Variants in NOTCH3 observed in about 807,000 individuals in gnomAD.
NOTCH3 encodes neurogenic locus notch homolog protein 3.
NOTCH3 carries 86 observed loss-of-function variants against 213.3 expected under a neutral mutation model. The observed-to-expected ratio is 0.40, with a 90% CI of 0.34 to 0.48. NOTCH3 has a LOEUF of 0.48. Among genes scored for constraint, NOTCH3 ranks in the 20% least tolerant of loss-of-function variants. NOTCH3 has a pLI of 0.57. For synonymous variants in NOTCH3, 1,354 were observed against 1,355.9 expected (o/e 1.00, Z 0.03); for missense variants, 2,783 against 3,272.6 (o/e 0.85, Z 3.65).
rs187061065 is a variant in NOTCH3, at chr19:15,186,800, C to T, written c.1951+78G>A. 3,217 of 1,157,736 alleles carry T rather than the reference C, an allele frequency of 2.8e-3. 9 individuals are homozygous for T. Among genetic ancestry groups the T allele is most frequent in the Non-Finnish European group, 3.7e-3 (2,807 of 767,038 alleles). 71.7% of individuals were successfully genotyped at this position (1,157,736 alleles called of 1,614,324 possible). On this transcript the variant is annotated intron_variant, in intron 12 of 32. Transcript: ENST00000263388. ...CGTTGGACAAGAGTCTGCAAAGATA[C>T]GGGCAAAACAGGCCCACAGAGACGA... is the stretch of plus-strand genomic sequence containing the variant.
At chr19:15,171,616 G>A (rs1487150198) in intron 25 of NOTCH3, among the ~76,000 whole-genome samples, 3 of 151,620 alleles carry the variant, frequency 2.0e-5, no homozygotes, top group Non-Finnish European at 4.4e-5. Context: ...TCCCACCTCA[G>A]CCTCCCAATG....
At position 15,180,772 on chromosome 19, in the gene NOTCH3, C is replaced by A. The variant is rs1243026017; in HGVS notation, c.3051G>T (p.Gln1017His). Residue 1017 changes from glutamine (Q) to histidine (H), a missense_variant, in exon 19 of 33, where the codon CAG becomes CAT. Physicochemically the swap from Gln to His is conservative, Grantham distance 24. This residue lies in a region of NOTCH3 where 861 missense variants were observed against 909.1 expected (regional missense o/e 0.95). Coordinates refer to ENST00000263388, the MANE Select transcript of NOTCH3 (RefSeq NM_000435.3). Reference protein sequence around the residue: ...QPCQNGGRCVQTGAYCLCPPG... With the variant: ...QPCQNGGRCVHTGAYCLCPPG... ...GGGGACAAAGGCAATAGGCCCCAGT[C>A]TGGACGCAGCGACCCCCGTTTTGAC... is the stretch of plus-strand genomic sequence containing the variant. The A allele has an allele frequency of 6.2e-7, 1 of 1,605,486 alleles. No individual in the cohort carries two copies. Among genetic ancestry groups the A allele is most frequent in the African/African-American group, 1.3e-5 (1 of 74,834 alleles).
chr19:15,161,701 A>G lies in NOTCH3; in HGVS notation c.5927T>C (p.Leu1976Pro). ...DMQDSKEETP[L>P]FLAAREGSYE... ...GCTGCCCTCGCGGGCGGCCAGGAATAGGGGGGTCTCCTCCTGGGGGGCCAG... is the reference window on the plus strand; with the variant it reads ...GCTGCCCTCGCGGGCGGCCAGGAATGGGGGGGTCTCCTCCTGGGGGGCCAG... The change falls in exon 33 of 33, where the codon CTA (leucine) becomes CCA (proline). Residue 1976 changes from leucine (L) to proline (P), a missense_variant. Coordinates refer to ENST00000263388, the MANE Select transcript of NOTCH3 (RefSeq NM_000435.3). The G allele has an allele frequency of 6.2e-7, 1 of 1,613,602 alleles. No individual in the cohort carries two copies. The highest frequency in any genetic ancestry group is 8.5e-7 in the Non-Finnish European group (1 of 1,179,822).
At position 15,185,449 on chromosome 19, in the gene NOTCH3, G is replaced by C. The variant is rs2145429845; in HGVS notation, c.2144+38C>G. 1 of 1,612,104 alleles carries C rather than the reference G, an allele frequency of 6.2e-7. No individual in the cohort carries two copies. Among genetic ancestry groups the C allele is most frequent in the Non-Finnish European group, 8.5e-7 (1 of 1,178,994 alleles). On this transcript the variant is annotated intron_variant, in intron 13 of 32. Transcript: ENST00000263388. The surrounding 1 kb of genome is among the most constrained non-coding windows in gnomAD (Gnocchi z 4.2). Reference sequence around the variant, plus strand: ...AGTCAGGCCAGGGAGGTGGGCCAGGGAGAGGGGGCAGTGTCTGAGGCTGAG... The same window carrying C: ...AGTCAGGCCAGGGAGGTGGGCCAGGCAGAGGGGGCAGTGTCTGAGGCTGAG...
intron 28 of NOTCH3, 147 bp from the exon 29 acceptor site, chr19:15,167,558 T>TCTTA: frequency 1.8e-6 from 1 of 544,898 alleles, no homozygotes; most frequent in Non-Finnish European, 3.0e-6. Context: ...CTGTTTGGTG[T>TCTTA]TTTATTTGTT....
intron 16 of NOTCH3, among the ~76,000 whole-genome samples, chr19:15,183,656 C>A (rs1241898424): frequency 6.6e-6 from 1 of 152,168 alleles, no homozygotes; most frequent in Non-Finnish European, 1.5e-5. Flanking sequence ...ACCTTGGCCT[C>A]CCAAAGTGCT....
chr19:15,179,262 C>A lies in NOTCH3; in HGVS notation c.3481G>T (p.Glu1161Ter). The A allele has an allele frequency of 6.2e-7, 1 of 1,613,940 alleles. No individual in the cohort carries two copies. ...GGTGGGCCTGGGCCGCAGTCATCCT[C>A]ATTAATCTCGCAGAGCACCCCTGGG... ...GTLGVLCEINEDDCGPGPPLD... is the reference protein window; with the variant it reads ...GTLGVLCEIN The change falls in exon 22 of 33, where the codon GAG becomes TAG. Residue 1161 changes from glutamate (E) to a stop codon, truncating the protein, a stop_gained. Coordinates refer to ENST00000263388, the MANE Select transcript of NOTCH3 (RefSeq NM_000435.3). LOFTEE classifies it high-confidence loss of function.
rs1284958492 is a variant in NOTCH3, at chr19:15,189,007, T to C, written c.1360A>G (p.Thr454Ala). 1 of 1,611,072 alleles carries C rather than the reference T, an allele frequency of 6.2e-7. No homozygotes were observed. The change falls in exon 8 of 33, where the codon ACC (threonine) becomes GCC (alanine). Residue 454 changes from threonine (T) to alanine (A), a missense_variant. Coordinates refer to ENST00000263388, the MANE Select transcript of NOTCH3 (RefSeq NM_000435.3). ...ATCLDRIGQF[T>A]CICMAGFTGT... The stretch of plus-strand genomic sequence containing the variant: ...CACCCACCTGCCATACAGATACAGG[T>C]GAACTGGCCTATGCGGTCGAGGCAC...
chr19:15,160,640 G>A lies in NOTCH3; in HGVS notation c.*22C>T. 1 of 1,594,682 alleles carries A rather than the reference G, an allele frequency of 6.3e-7. No individual in the cohort carries two copies. The highest frequency in any genetic ancestry group is 8.6e-7 in the Non-Finnish European group (1 of 1,162,234). ...GACGGGGGTCTCTTTAGGCCCCCAA[G>A]ATCTAAGAACTGACGAGCGTCTCAG... On this transcript the variant is annotated 3_prime_UTR_variant, in exon 33 of 33. Transcript: ENST00000263388.
At chr19:15,188,924 A>T in intron 8 of NOTCH3, 65 bp downstream of exon 8, 4 of 1,510,670 alleles carry the variant, frequency 2.6e-6, no homozygotes, top group Non-Finnish European at 3.6e-6. Context: ...TCAGCTCCCC[A>T]TCCGCGGGCT....
In NOTCH3 at chr19:15,174,241, T is replaced by A. The variant is rs1044006; in HGVS notation, c.4563A>T (p.Pro1521=). The change falls in exon 25 of 33, where the codon CCA becomes CCT. Residue 1521 remains proline, a synonymous_variant. Coordinates refer to ENST00000263388, the MANE Select transcript of NOTCH3 (RefSeq NM_000435.3). The part of the protein sequence containing the change: ...GVLVLTVLLP[P]EELLRSSADF... ...CGGCGCTGGAACGCAGTAGCTCCTC[T>A]GGCGGCAGCAGCACTGTGAGCACCA... 1 of 1,595,478 alleles carries A rather than the reference T, an allele frequency of 6.3e-7. No homozygotes were observed. Among genetic ancestry groups the A allele is most frequent in the Non-Finnish European group, 8.5e-7 (1 of 1,174,184 alleles).
rs200880744 is a variant in NOTCH3, at chr19:15,179,350, T to C, written c.3460+14A>G. 1.2e-6 allele frequency: 2 copies of C among 1,610,916 alleles called. No homozygotes were observed. The highest frequency in any genetic ancestry group is 4.5e-5 in the East Asian group (2 of 44,644). ...GCCTCTCATCCTGTCCCCCCAACCC[T>C]GGCCCTGGCATACCCAGCGTTCCTG... On this transcript the variant is annotated intron_variant, in intron 21 of 32. Coordinates refer to ENST00000263388, the MANE Select transcript of NOTCH3 (RefSeq NM_000435.3).
Position 15,177,343 on chromosome 19 carries a change from A to G in NOTCH3, c.4403+182T>C, listed in dbSNP as rs377214842. On this transcript the variant is annotated intron_variant, in intron 24 of 32. Transcript: ENST00000263388. ...GCAGATAGAAACAAGAACAAGATAG[A>G]CAGAGCACATGGATGAACAGACACA... Among the ~76,000 whole-genome samples, 7 of 152,214 alleles carry G rather than the reference A, an allele frequency of 4.6e-5. No homozygotes were observed. The East Asian group carries it at 1.2e-3, about 25-fold the overall frequency.
intron 12 of NOTCH3, 150 bp downstream of exon 12, chr19:15,186,728 T>G: frequency 1.4e-6 from 1 of 734,166 alleles, no homozygotes. Context: ...CGAAACAACC[T>G]TATGCCAATG....
Position 15,191,477 on chromosome 19 carries a change from G to A in NOTCH3, c.983C>T (p.Thr328Ile), listed in dbSNP as rs769567750. The change falls in exon 6 of 33, where the codon ACC (threonine) becomes ATC (isoleucine). Residue 328 changes from threonine (T) to isoleucine (I), a missense_variant. This residue lies in a region of NOTCH3 where 708 missense variants were observed against 906.6 expected (regional missense o/e 0.78). Coordinates refer to ENST00000263388, the MANE Select transcript of NOTCH3 (RefSeq NM_000435.3). Reference sequence around the variant, plus strand: ...GAAAGAAGCCACGCGGTCATGGCAGGTGGCCCCATGGAAGCACACGGCTGT... The same window carrying A: ...GAAAGAAGCCACGCGGTCATGGCAGATGGCCCCATGGAAGCACACGGCTGT... ...CATAVCFHGA[T>I]CHDRVASFYC... The A allele has an allele frequency of 2.6e-5, 42 of 1,613,300 alleles. No homozygotes were observed. The highest frequency in any genetic ancestry group is 5.3e-5 in the African/African-American group (4 of 74,950).
rs532350128 is a variant in NOTCH3, at chr19:15,160,145, G to A, written c.*517C>T. The A allele has an allele frequency of 4.4e-4, 105 of 237,928 alleles. 1 individual carries two copies. The highest frequency in any genetic ancestry group is 3.7e-3 in the Middle Eastern group (3 of 800). The allele number at this position is 237,928 out of a possible 1,614,324, so 14.7% of individuals were successfully genotyped here. A position where few individuals can be genotyped will look rare whatever the true frequency, so the allele number is the denominator to read the frequency against. On this transcript the variant is annotated 3_prime_UTR_variant, in exon 33 of 33. Transcript: ENST00000263388. ...TACACGGGATCCCAGTCATGCCTGTGTACTAGGTACACAGAATCCAGCTTG... is the reference window on the plus strand; with the variant it reads ...TACACGGGATCCCAGTCATGCCTGTATACTAGGTACACAGAATCCAGCTTG...
intron 28 of NOTCH3, among the ~76,000 whole-genome samples, chr19:15,169,399 T>C (rs921721628): frequency 1.3e-5 from 2 of 151,422 alleles, no homozygotes; most frequent in African/African-American, 4.9e-5. Context: ...AGGTCACCCA[T>C]GCTGTGGGAC....
rs751851528 is a variant in NOTCH3, at chr19:15,160,751, G to A, written c.6877C>T (p.Pro2293Ser). The A allele has an allele frequency of 2.5e-6, 4 of 1,614,108 alleles. No homozygotes were observed. In the Admixed American group the frequency reaches 5.0e-5, roughly 20 times the overall value. The stretch of plus-strand genomic sequence containing the variant: ...GCAAGGGAGCTGGGAACAGACAAGG[G>A]AAGTGGCTGGGCAGGCAGTGCCCCA... ...TTGALPAQPL[P>S]LSVPSSLAQA... Residue 2293 changes from proline (P) to serine (S), a missense_variant, in exon 33 of 33, where the codon CCC becomes TCC. By Grantham distance (74) the Pro-to-Ser change is moderately conservative. Transcript: ENST00000263388.
chr19:15,197,441 G>GCCCCCCCCC, intron 2 of NOTCH3, 59 bp downstream of exon 2: 3 of 768,356 alleles, frequency 3.9e-6, no homozygotes, highest in East Asian at 2.7e-5. Flanking sequence ...AAGACAAATC[G>GCCCCCCCCC]CCCCTCCCCC....
Sources: gnomAD v4.1 joint callset for allele counts (sites outside exome capture counted in the v4.1 genomes callset) on GRCh38, gnomAD v4.1.1 for gene constraint, gnomAD v4.1.1 regional missense constraint, Gnocchi (gnomAD v3.1) non-coding constraint, MANE v1.5 for transcripts, NCBI Gene and HGNC (gene_info 2026-07-23, HGNC 2026-07-21) for gene names.